DGKH: variants seen among roughly 807,000 people sequenced by gnomAD.
The protein encoded by DGKH is diacylglycerol kinase eta.
In DGKH, 90 loss-of-function variants were observed where a neutral mutation model predicts 159.3. The ratio of observed to expected loss-of-function variants is 0.57; its 90% CI spans 0.48 to 0.67. The LOEUF is 0.67. Among genes scored for constraint, DGKH ranks in the 30% least tolerant of loss-of-function variants. The pLI is 0.00. For missense variants in DGKH, 1,181 were observed against 1,506.1 expected, an observed-to-expected ratio of 0.78 and a Z score of 3.57; for synonymous variants, 536 against 553.8, an observed-to-expected ratio of 0.97 and a Z score of 0.45.
At chr13:42,214,045 T>C (rs1486385282) in intron 24 of DGKH, among the ~76,000 whole-genome samples, 1 of 152,182 alleles carries the variant, frequency 6.6e-6, no homozygotes, top group African/African-American at 2.4e-5. Context: ...CATAGCTACA[T>C]TTAAAGGCTG....
intron 29 of DGKH, among the ~76,000 whole-genome samples, chr13:42,226,174 G>A (rs986631133): frequency 2.0e-5 from 3 of 152,014 alleles, no homozygotes; most frequent in South Asian, 2.1e-4. Flanking sequence ...AAGACATGTG[G>A]CCAACAAACA....
chr13:42,204,888 A>G (rs574543567), intron 20 of DGKH, among the ~76,000 whole-genome samples: 1 of 152,144 alleles, frequency 6.6e-6, no homozygotes, highest in Non-Finnish European at 1.5e-5. Flanking sequence ...GTAGGACTTA[A>G]TACTCTTTTT....
chr13:42,042,106 T>G (rs1228226637), intron 1 of DGKH, among the ~76,000 whole-genome samples: 1 of 152,258 alleles, frequency 6.6e-6, no homozygotes, highest in Non-Finnish European at 1.5e-5. Flanking sequence ...TTTGCTTTCG[T>G]GAATTTGAAC....
chr13:42,254,773 T>C (rs1442576929), intron 30 of DGKH, among the ~76,000 whole-genome samples: 1 of 152,194 alleles, frequency 6.6e-6, no homozygotes, highest in Non-Finnish European at 1.5e-5. Flanking sequence ...TATGTGTACG[T>C]ATGTGTGTAT....
At chr13:42,227,969 G>T (rs1399301801) in intron 29 of DGKH, among the ~76,000 whole-genome samples, 1 of 152,130 alleles carries the variant, frequency 6.6e-6, no homozygotes, top group Non-Finnish European at 1.5e-5. Context: ...CATTTTGGAA[G>T]TCATCTTTTT....
chr13:42,066,478 A>G (rs560244893), intron 1 of DGKH: 3 of 152,338 alleles, frequency 2.0e-5, no homozygotes, highest in South Asian at 4.1e-4. Context: ...TCACATAACA[A>G]AAAACACTAC....
chr13:42,043,971 A>C (rs1175619004), upstream of DGKH: 1 of 152,046 alleles, frequency 6.6e-6, no homozygotes, highest in East Asian at 2.0e-4. Flanking sequence ...AGTAGCTGGG[A>C]CCTATAGGTG....
intron 17 of DGKH, 34 bp from the exon 18 acceptor site, chr13:42,198,444 A>G (rs750288619): frequency 4.1e-5 from 65 of 1,579,668 alleles, no homozygotes; most frequent in Non-Finnish European, 4.2e-5. Flanking sequence ...TTTTCTTAAC[A>G]TGCGATCCCA....
chr13:42,246,174 A>T (rs555355963), downstream of DGKH, among the ~76,000 whole-genome samples: 1 of 152,236 alleles, frequency 6.6e-6, no homozygotes, highest in East Asian at 1.9e-4. Context: ...TTGTCTCCAT[A>T]AGTTCTTGTG....
At chr13:42,096,517 T>G (rs1316306983) in intron 1 of DGKH, among the ~76,000 whole-genome samples, 1 of 152,222 alleles carries the variant, frequency 6.6e-6, no homozygotes. Context: ...TGATTCCATG[T>G]TTTTGCCATA....
At chr13:42,097,564 C>A (rs1271517190) in intron 1 of DGKH, among the ~76,000 whole-genome samples, 1 of 152,174 alleles carries the variant, frequency 6.6e-6, no homozygotes, top group East Asian at 1.9e-4. Context: ...ATGCCGGCAA[C>A]TGGGAGCCCA....
intron 12 of DGKH, 60 bp downstream of exon 12, chr13:42,174,204 A>AG: frequency 7.4e-7 from 1 of 1,354,286 alleles, no homozygotes; most frequent in Non-Finnish European, 1.0e-6. Context: ...AGAAAAAAAA[A>AG]AGAAAGAGAG....
intron 1 of DGKH, among the ~76,000 whole-genome samples, chr13:42,105,085 AG>A (rs1954722426): frequency 6.6e-6 from 1 of 152,098 alleles, no homozygotes; most frequent in African/African-American, 2.4e-5. Flanking sequence ...TAGTCTGTTT[AG>A]TGCTGCTATA....
In DGKH at chr13:42,065,852, TTTAA is replaced by T. The variant is rs1202298834; in HGVS notation, c.192+16891_192+16894del. ...AAAGCTTGGGGAGCTTGATGTACTC[TTTAA>T]TTAGCCACAAGCAATGTGATCATAT... On this transcript the variant is annotated intron_variant, in intron 1 of 29. Coordinates refer to ENST00000337343, the MANE Select transcript of DGKH (RefSeq NM_178009.5). Among the ~76,000 whole-genome samples the T allele has an allele frequency of 5.3e-5, 8 of 152,344 alleles. No homozygotes were observed. The East Asian group carries it at 5.8e-4, about 11-fold the overall frequency.
chr13:42,094,158 T>C (rs971388222), intron 1 of DGKH, among the ~76,000 whole-genome samples: 1 of 150,824 alleles, frequency 6.6e-6, no homozygotes, highest in African/African-American at 2.4e-5. Flanking sequence ...TAGGAGATAT[T>C]CCTAATGTTA....
At chr13:42,106,197 G>C (rs986682701) in intron 1 of DGKH, among the ~76,000 whole-genome samples, 1 of 151,994 alleles carries the variant, frequency 6.6e-6, no homozygotes, top group Non-Finnish European at 1.5e-5. Context: ...TAGTAGAGAT[G>C]GGGTTTCACA....
At chr13:42,149,439 T>C (rs1418779799) in intron 3 of DGKH, among the ~76,000 whole-genome samples, 2 of 152,222 alleles carry the variant, frequency 1.3e-5, no homozygotes, top group Non-Finnish European at 2.9e-5. Context: ...TTCACTTATC[T>C]GTGTTTCCCC....
intron 1 of DGKH, among the ~76,000 whole-genome samples, chr13:42,080,824 C>G (rs1472388441): frequency 1.3e-5 from 2 of 151,556 alleles, no homozygotes; most frequent in Non-Finnish European, 2.9e-5. Flanking sequence ...CATTATTTAT[C>G]CGAGTTTTAT....
intron 3 of DGKH, among the ~76,000 whole-genome samples, chr13:42,130,481 G>A (rs1302361009): frequency 3.3e-5 from 5 of 152,128 alleles, no homozygotes; most frequent in Admixed American, 2.0e-4. Flanking sequence ...TATTCCTGAC[G>A]TCGTTCAGCC....
Sources: gnomAD v4.1 joint callset for allele counts (sites outside exome capture counted in the v4.1 genomes callset) on GRCh38, gnomAD v4.1.1 for gene constraint, MANE v1.5 for transcripts, NCBI Gene and HGNC (gene_info 2026-07-23, HGNC 2026-07-21) for gene names.